GLMN: variants seen among roughly 807,000 people sequenced by gnomAD.
The protein encoded by GLMN is glomulin.
GLMN carries 75 observed loss-of-function variants against 87.8 expected under a neutral mutation model. The observed-to-expected ratio is 0.85, with a 90% CI of 0.71 to 1.04. The LOEUF (loss-of-function observed/expected upper bound fraction) is 1.04. Ranked by LOEUF, GLMN falls within the 50% of genes least tolerant of loss-of-function variation. The pLI is 0.00. For synonymous variants in GLMN, 206 were observed against 221.6 expected (o/e 0.93, Z 0.63); for missense variants, 588 against 658.8 (o/e 0.89, Z 1.18).
the GLMN span, among the ~76,000 whole-genome samples, chr1:92,369,217 T>A: frequency 6.6e-6 from 1 of 152,236 alleles, no homozygotes; most frequent in Non-Finnish European, 1.5e-5. Flanking sequence ...TCAGCTGTAG[T>A]ATAAATTACT....
intron 7 of GLMN, among the ~76,000 whole-genome samples, chr1:92,281,479 T>G (rs547449115): frequency 6.6e-6 from 1 of 152,074 alleles, no homozygotes; most frequent in Non-Finnish European, 1.5e-5. Flanking sequence ...TTACTAAACA[T>G]GAATAGGAAC....
the GLMN span, among the ~76,000 whole-genome samples, chr1:92,347,382 T>C: frequency 1.1e-4 from 16 of 152,332 alleles, no homozygotes; most frequent in East Asian, 1.5e-3. Flanking sequence ...TAAACACTTA[T>C]AGACAACTGT....
At chr1:92,330,209 G>C in the GLMN span, among the ~76,000 whole-genome samples, 1 of 152,168 alleles carries the variant, frequency 6.6e-6, no homozygotes, top group Non-Finnish European at 1.5e-5. Flanking sequence ...TACAAAGACA[G>C]GTGGAAAAGG....
At chr1:92,293,830 A>G (rs1649708886) in intron 3 of GLMN, among the ~76,000 whole-genome samples, 1 of 152,168 alleles carries the variant, frequency 6.6e-6, no homozygotes, top group South Asian at 2.1e-4. Context: ...ACTGTAGACC[A>G]TTATGTTAAG....
the GLMN span, among the ~76,000 whole-genome samples, chr1:92,366,079 A>G: frequency 6.6e-6 from 1 of 152,376 alleles, no homozygotes; most frequent in South Asian, 2.1e-4. Flanking sequence ...CTAGGAAAGA[A>G]CTGGCATTCA....
the GLMN span, among the ~76,000 whole-genome samples, chr1:92,360,360 G>A: frequency 6.6e-6 from 1 of 152,170 alleles, no homozygotes; most frequent in Non-Finnish European, 1.5e-5. Flanking sequence ...GATTGCAAAG[G>A]CTGCTATAGT....
chr1:92,320,464 G>C, the GLMN span: 10 of 587,030 alleles, frequency 1.7e-5, no homozygotes, highest in Non-Finnish European at 3.1e-5. Flanking sequence ...GTAGAGATGG[G>C]GTTTCACCAT....
At chr1:92,250,024 A>G (rs1296240562) in intron 16 of GLMN, among the ~76,000 whole-genome samples, 1 of 149,882 alleles carries the variant, frequency 6.7e-6, no homozygotes, top group Non-Finnish European at 1.5e-5. Flanking sequence ...TTTACTTTGC[A>G]TTCACCTCTG....
chr1:92,247,296 T>C (rs1652818672), intron 17 of GLMN, 152 bp from the exon 18 acceptor site: 1 of 634,868 alleles, frequency 1.6e-6, no homozygotes, highest in Non-Finnish European at 2.8e-6. Flanking sequence ...ACTTAAGCTA[T>C]AAGCAAACAG....
the GLMN span, chr1:92,323,930 T>C: frequency 6.2e-7 from 1 of 1,614,164 alleles, no homozygotes; most frequent in Non-Finnish European, 8.5e-7. Flanking sequence ...GCAGAGCATT[T>C]TAAGAGAAAA....
At chr1:92,259,732 C>CTTTTTTT (rs58390058) in intron 16 of GLMN, among the ~76,000 whole-genome samples, 11 of 108,192 alleles carry the variant, frequency 1.0e-4, no homozygotes, top group East Asian at 2.9e-4. Flanking sequence ...TTTTTTCTTT[C>CTTTTTTT]TTTTTTTTTT....
In GLMN at chr1:92,298,962, C is replaced by A; in HGVS notation, c.-68G>T. 1 of 505,956 alleles carries A rather than the reference C, an allele frequency of 2.0e-6. No homozygotes were observed. The highest frequency in any genetic ancestry group is 3.4e-5 in the East Asian group (1 of 29,160). The allele number at this position is 505,956 out of a possible 1,614,324, so 31.3% of individuals were successfully genotyped here. A position where few individuals can be genotyped will look rare whatever the true frequency, so the allele number is the denominator to read the frequency against. ...TCGCCTCTCCCAGCCGCCGCCACCT[C>A]CTCCGGCGTCTTAGCCCGCTCTTCT... On this transcript the variant is annotated 5_prime_UTR_variant, in exon 1 of 19. Coordinates refer to ENST00000370360, the MANE Select transcript of GLMN (RefSeq NM_053274.3).
At chr1:92,269,636 G>T in intron 9 of GLMN, 87 bp downstream of exon 9, 2 of 862,076 alleles carry the variant, frequency 2.3e-6, no homozygotes, top group Non-Finnish European at 4.0e-6. Context: ...TTAGAGCTTA[G>T]CAAAGAAAAG....
chr1:92,322,668 A>G, the GLMN span, among the ~76,000 whole-genome samples: 1 of 152,102 alleles, frequency 6.6e-6, no homozygotes, highest in East Asian at 1.9e-4. Context: ...TGAGGCCAAG[A>G]ATTTGTGACC....
At chr1:92,312,894 T>G in the GLMN span, among the ~76,000 whole-genome samples, 341 of 151,998 alleles carry the variant, frequency 2.2e-3, 2 homozygotes, top group Middle Eastern at 6.8e-3. Flanking sequence ...CGATCTTGGC[T>G]CACTACAACC....
At position 92,286,401 on chromosome 1, in the gene GLMN, T is replaced by G. The variant is rs148563592; in HGVS notation, c.735+89A>C. 231 of 658,616 alleles carry G rather than the reference T, an allele frequency of 3.5e-4. 1 individual carries two copies. The Admixed American group carries it at 3.8e-3, about 11-fold the overall frequency. 40.8% of individuals were successfully genotyped at this position (658,616 alleles called of 1,614,324 possible). Reference sequence around the variant, plus strand: ...TCTACAAAAAATACACATTTCTTTATTAATGAATGTATCAATTTACATGTG... The same window carrying G: ...TCTACAAAAAATACACATTTCTTTAGTAATGAATGTATCAATTTACATGTG... On this transcript the variant is annotated intron_variant, in intron 7 of 18. Coordinates refer to ENST00000370360, the MANE Select transcript of GLMN (RefSeq NM_053274.3).
chr1:92,323,746 G>T, the GLMN span: 6 of 1,613,960 alleles, frequency 3.7e-6, no homozygotes, highest in East Asian at 1.3e-4. Context: ...GCAGTTAGGC[G>T]ATTGCAAATT....
At chr1:92,255,935 C>T (rs188678648) in intron 16 of GLMN, among the ~76,000 whole-genome samples, 36 of 152,122 alleles carry the variant, frequency 2.4e-4, no homozygotes, top group Admixed American at 9.2e-4. Context: ...GAGATAGAGA[C>T]GCAAAAAACC....
chr1:92,268,229 A>G (rs1570899532), intron 9 of GLMN, 94 bp from the exon 10 acceptor site: 1 of 718,664 alleles, frequency 1.4e-6, no homozygotes, highest in African/African-American at 1.8e-5. Flanking sequence ...TGAAATTTTA[A>G]CACTTTTAAA....
Sources: gnomAD v4.1 joint callset for allele counts (sites outside exome capture counted in the v4.1 genomes callset) on GRCh38, gnomAD v4.1.1 for gene constraint, MANE v1.5 for transcripts, NCBI Gene and HGNC (gene_info 2026-07-23, HGNC 2026-07-21) for gene names.